The following ABHD2 variants were observed in gnomAD, a reference collection of about 807,000 sequenced individuals.
The protein encoded by ABHD2 is monoacylglycerol lipase ABHD2.
In ABHD2, 20 loss-of-function variants were observed where a neutral mutation model predicts 48.1. That is an observed-to-expected ratio of 0.42 (90% CI 0.29 to 0.60). The LOEUF (loss-of-function observed/expected upper bound fraction) is 0.60, where lower values mean the gene tolerates loss of function less well. Ranked by LOEUF, ABHD2 falls within the 20% of genes least tolerant of loss-of-function variation. The pLI, the probability that ABHD2 is intolerant of heterozygous loss-of-function variation, is 0.24. For missense variants in ABHD2, 405 were observed against 550.9 expected (o/e 0.74, Z 2.65); for synonymous variants, 209 against 214.2 (o/e 0.98, Z 0.21).
chr15:89,063,314 G>A, the ABHD2 span, among the ~76,000 whole-genome samples: 1 of 151,938 alleles, frequency 6.6e-6, no homozygotes, highest in Non-Finnish European at 1.5e-5. Context: ...TTCTTTTGAG[G>A]TCAGGTTTAT....
At chr15:89,123,933 C>A (rs1286639030) in intron 3 of ABHD2, among the ~76,000 whole-genome samples, 3 of 152,122 alleles carry the variant, frequency 2.0e-5, no homozygotes, top group Non-Finnish European at 2.9e-5. Flanking sequence ...TAAAGCAGAG[C>A]AAATCTACTT....
Position 89,116,196 on chromosome 15 carries a change from G to A in ABHD2, c.-6-126G>A, listed in dbSNP as rs540302187. On this transcript the variant is annotated intron_variant, in intron 2 of 10. Coordinates refer to ENST00000352732, the MANE Select transcript of ABHD2 (RefSeq NM_152924.5). The surrounding 1 kb of genome is among the most constrained non-coding windows in gnomAD (Gnocchi z 4.6). ...GGTGTCTGCCTGTCAGGAGCCTGCG[G>A]AAACATCTGAATTGTGACACACCGT... 17 of 876,876 alleles carry A rather than the reference G, an allele frequency of 1.9e-5. No homozygotes were observed. The highest frequency in any genetic ancestry group is 1.5e-4 in the East Asian group (6 of 39,436). The allele number at this position is 876,876 out of a possible 1,614,324, so 54.3% of individuals were successfully genotyped here.
chr15:89,105,514 CA>C (rs1256389700), intron 1 of ABHD2, among the ~76,000 whole-genome samples: 3 of 152,228 alleles, frequency 2.0e-5, no homozygotes, highest in African/African-American at 7.2e-5. Context: ...CACAGAAAGA[CA>C]ATTTCAAGGA....
Position 89,185,016 on chromosome 15 carries a change from C to T in ABHD2, c.723-408C>T, listed in dbSNP as rs1438878354. On this transcript the variant is annotated intron_variant, in intron 6 of 10. Transcript: ENST00000352732. This position sits in a 1 kb window ranked among gnomAD's most constrained non-coding sequence, Gnocchi z 5.9. ...GTTTTCCCCTCCACACCCACTCTCC[C>T]GTTCCATGTGCCAGTCATTAAACCA... 1.3e-5 allele frequency among the ~76,000 whole-genome samples: 2 copies of T among 152,226 alleles called. No homozygotes were observed. Among genetic ancestry groups the T allele is most frequent in the Non-Finnish European group, 2.9e-5 (2 of 68,044 alleles).
chr15:89,073,452 T>C, the ABHD2 span, among the ~76,000 whole-genome samples: 1 of 152,270 alleles, frequency 6.6e-6, no homozygotes, highest in East Asian at 1.9e-4. Flanking sequence ...CCCACGACCA[T>C]GCCTGGTAAT....
In ABHD2 at chr15:89,188,559, C is replaced by G. The variant is rs1258265177; in HGVS notation, c.926+256C>G. Among the ~76,000 whole-genome samples, 2 of 152,222 alleles carry G rather than the reference C, an allele frequency of 1.3e-5. No homozygotes were observed. Among genetic ancestry groups the G allele is most frequent in the African/African-American group, 2.4e-5 (1 of 41,446 alleles). ...CCTACAAAGCATAGTTAGCTTGATT[C>G]AAGGAGCTGGGGCGTGCAGGCCCTA... On this transcript the variant is annotated intron_variant, in intron 8 of 10. Transcript: ENST00000352732. The surrounding 1 kb of genome is among the most constrained non-coding windows in gnomAD (Gnocchi z 4.1).
At chr15:89,110,966 T>A (rs293382) in intron 1 of ABHD2, among the ~76,000 whole-genome samples, 73,234 of 152,006 alleles carry the variant, frequency 0.48, 18,859 homozygotes, top group African/African-American at 0.65. Flanking sequence ...TCCACAGAGT[T>A]TCTCTTATGC....
Position 89,094,630 on chromosome 15 carries a change from C to A in ABHD2, c.-107+6067C>A, listed in dbSNP as rs1469021329. ...GACTGAGGCAGGAGAATCACTTGAA[C>A]CCAGGAGGCAGAGGCTGCCGTGAGC... On this transcript the variant is annotated intron_variant, in intron 1 of 10. Coordinates refer to ENST00000352732, the MANE Select transcript of ABHD2 (RefSeq NM_152924.5). The surrounding 1 kb of genome is among the most constrained non-coding windows in gnomAD (Gnocchi z 4.7). 6.6e-6 allele frequency among the ~76,000 whole-genome samples: 1 copy of A among 152,066 alleles called. No homozygotes were observed. The highest frequency in any genetic ancestry group is 1.5e-5 in the Non-Finnish European group (1 of 68,004).
At position 89,179,134 on chromosome 15, in the gene ABHD2, T is replaced by TG. The variant is rs776345276; in HGVS notation, c.722+3145dup. Among the ~76,000 whole-genome samples the TG allele has an allele frequency of 1.6e-4, 25 of 152,074 alleles. No individual in the cohort carries two copies. The highest frequency in any genetic ancestry group is 4.1e-4 in the African/African-American group (17 of 41,498). ...GGTGCCAAGGAGGTCCTCAGTCAAG[T>TG]GGGGGGTCCATGAGGAGGGATTTCT... On this transcript the variant is annotated intron_variant, in intron 6 of 10. Coordinates refer to ENST00000352732, the MANE Select transcript of ABHD2 (RefSeq NM_152924.5). This position sits in a 1 kb window ranked among gnomAD's most constrained non-coding sequence, Gnocchi z 4.3.
chr15:89,119,959 A>G (rs1033973105), intron 3 of ABHD2, among the ~76,000 whole-genome samples: 1 of 152,206 alleles, frequency 6.6e-6, no homozygotes, highest in Admixed American at 6.5e-5. Flanking sequence ...CCTAGGCTGG[A>G]AAGTTCTGTT....
At chr15:89,043,445 AAGGAGG>A in the ABHD2 span, among the ~76,000 whole-genome samples, 6 of 127,858 alleles carry the variant, frequency 4.7e-5, no homozygotes, top group East Asian at 1.4e-3. Context: ...GAAGAAGAAG[AAGGAGG>A]AGGAGGAGAA....
chr15:89,178,640 A>G (rs1316822569), intron 6 of ABHD2, among the ~76,000 whole-genome samples: 1 of 152,240 alleles, frequency 6.6e-6, no homozygotes, highest in Non-Finnish European at 1.5e-5. Context: ...AGCTGCTGCT[A>G]AACTAGCTCA....
At chr15:89,161,644 G>A (rs1040178614) in intron 5 of ABHD2, among the ~76,000 whole-genome samples, 9 of 152,050 alleles carry the variant, frequency 5.9e-5, no homozygotes, top group African/African-American at 7.2e-5. Flanking sequence ...TAGGTGATCC[G>A]CCCACCTCGG....
At chr15:89,169,725 GA>G (rs2050890207) in intron 5 of ABHD2, among the ~76,000 whole-genome samples, 1 of 152,140 alleles carries the variant, frequency 6.6e-6, no homozygotes, top group African/African-American at 2.4e-5. Flanking sequence ...TAGCATTGTC[GA>G]AACTGGCCTG....
At chr15:89,152,816 T>C (rs1218081502) in intron 4 of ABHD2, among the ~76,000 whole-genome samples, 1 of 152,224 alleles carries the variant, frequency 6.6e-6, no homozygotes, top group Non-Finnish European at 1.5e-5. Flanking sequence ...ATAGCATTCA[T>C]TCTAAAATGC....
At chr15:89,063,780 C>T in the ABHD2 span, among the ~76,000 whole-genome samples, 4 of 152,146 alleles carry the variant, frequency 2.6e-5, no homozygotes. Flanking sequence ...CTGTACCCAT[C>T]AAGTCAGTGG....
chr15:89,081,722 ACG>A, the ABHD2 span, among the ~76,000 whole-genome samples: 1 of 152,154 alleles, frequency 6.6e-6, no homozygotes, highest in South Asian at 2.1e-4. Flanking sequence ...GTGGTGGCGC[ACG>A]CGTGTAATCC....
At chr15:89,135,052 G>C (rs2050280621) in intron 3 of ABHD2, among the ~76,000 whole-genome samples, 1 of 151,504 alleles carries the variant, frequency 6.6e-6, no homozygotes, top group Admixed American at 6.6e-5. Flanking sequence ...GTCATCTCTT[G>C]ATTGGTGTGT....
At chr15:89,055,036 G>A in the ABHD2 span, among the ~76,000 whole-genome samples, 2 of 151,754 alleles carry the variant, frequency 1.3e-5, no homozygotes, top group South Asian at 2.1e-4. Context: ...GACCAGCCTC[G>A]GCAACCTAGC....
Sources: gnomAD v4.1 joint callset for allele counts (sites outside exome capture counted in the v4.1 genomes callset) on GRCh38, gnomAD v4.1.1 for gene constraint, Gnocchi (gnomAD v3.1) non-coding constraint, MANE v1.5 for transcripts, NCBI Gene and HGNC (gene_info 2026-07-23, HGNC 2026-07-21) for gene names.